The following ZNF438 variants were observed in gnomAD, a reference collection of about 807,000 sequenced individuals.
The protein encoded by ZNF438 is zinc finger protein 438.
A neutral mutation model predicts 38.0 loss-of-function variants in ZNF438; 25 were observed. That is an observed-to-expected ratio of 0.66 (90% CI 0.48 to 0.92). The LOEUF (loss-of-function observed/expected upper bound fraction) is 0.92, where lower values mean the gene tolerates loss of function less well. Ranked by LOEUF, ZNF438 falls within the 40% of genes least tolerant of loss-of-function variation. The pLI is 0.00. For missense variants in ZNF438, 1,007 were observed against 999.6 expected, an observed-to-expected ratio of 1.01 and a Z score of -0.10; for synonymous variants, 372 against 364.1, an observed-to-expected ratio of 1.02 and a Z score of -0.25.
At chr10:30,845,273 T>C (rs778621348) in exon 6 of ZNF438, 1 of 1,613,922 alleles carries the variant, frequency 6.2e-7, no homozygotes, top group African/African-American at 1.3e-5. Context: ...GCCTTTTCAG[T>C]CTTGGACATG....
At chr10:30,893,450 G>T (rs1314426702) in intron 3 of ZNF438, among the ~76,000 whole-genome samples, 1 of 152,168 alleles carries the variant, frequency 6.6e-6, no homozygotes, top group Non-Finnish European at 1.5e-5. Flanking sequence ...ACATTAGTTT[G>T]TATCAACATT....
intron 1 of ZNF438, among the ~76,000 whole-genome samples, chr10:31,011,194 G>C (rs762203121): frequency 2.6e-5 from 4 of 152,166 alleles, no homozygotes; most frequent in Non-Finnish European, 5.9e-5. Flanking sequence ...TCCCAGGGAT[G>C]AGCTGCTGCA....
chr10:30,905,308 C>T (rs2042463948), intron 3 of ZNF438, among the ~76,000 whole-genome samples: 1 of 152,218 alleles, frequency 6.6e-6, no homozygotes, highest in African/African-American at 2.4e-5. Flanking sequence ...AAATTATAGC[C>T]ATCCCACGAG....
intron 1 of ZNF438, among the ~76,000 whole-genome samples, chr10:31,027,861 T>C (rs2057041052): frequency 6.6e-6 from 1 of 152,008 alleles, no homozygotes; most frequent in Admixed American, 6.6e-5. Flanking sequence ...AAAATATAAT[T>C]TTATATATTT....
intron 3 of ZNF438, among the ~76,000 whole-genome samples, chr10:30,890,894 A>T (rs925022888): frequency 6.6e-6 from 1 of 152,182 alleles, no homozygotes; most frequent in Non-Finnish European, 1.5e-5. Flanking sequence ...GAGGATGAAG[A>T]TTTACTTTCT....
At chr10:31,004,830 A>G (rs1314960084) in intron 1 of ZNF438, among the ~76,000 whole-genome samples, 2 of 152,212 alleles carry the variant, frequency 1.3e-5, no homozygotes, top group Non-Finnish European at 2.9e-5. Context: ...AGTCATGATG[A>G]GTCATAAATA....
chr10:30,978,315 T>C (rs1217628478), intron 1 of ZNF438, among the ~76,000 whole-genome samples: 9 of 152,326 alleles, frequency 5.9e-5, no homozygotes. Context: ...GTATATTGTA[T>C]ACACTGATTT....
chr10:30,960,120 A>C (rs2049306241), intron 1 of ZNF438, among the ~76,000 whole-genome samples: 1 of 146,728 alleles, frequency 6.8e-6, no homozygotes, highest in Non-Finnish European at 1.5e-5. Flanking sequence ...GCTCACTGTT[A>C]AGTTGGGTTG....
At chr10:30,890,532 T>C (rs1456518743) in intron 3 of ZNF438, among the ~76,000 whole-genome samples, 1 of 152,244 alleles carries the variant, frequency 6.6e-6, no homozygotes, top group Non-Finnish European at 1.5e-5. Context: ...CCATTGTCTT[T>C]GCTCTATGGG....
At chr10:30,881,548 T>C (rs1481185645) in intron 3 of ZNF438, among the ~76,000 whole-genome samples, 1 of 152,146 alleles carries the variant, frequency 6.6e-6, no homozygotes, top group Non-Finnish European at 1.5e-5. Context: ...GTTGTTAAAA[T>C]GGCAATTCTC....
chr10:30,900,892 T>C (rs1300909672), intron 3 of ZNF438, among the ~76,000 whole-genome samples: 1 of 152,202 alleles, frequency 6.6e-6, no homozygotes, highest in African/African-American at 2.4e-5. Context: ...AGTGAAAAAT[T>C]AGGAACAGTA....
chr10:31,024,531 G>A (rs1252111025), intron 1 of ZNF438, among the ~76,000 whole-genome samples: 2 of 152,172 alleles, frequency 1.3e-5, no homozygotes, highest in East Asian at 1.9e-4. Flanking sequence ...GGGAGGCTGA[G>A]GCAAGAGAAT....
At chr10:30,921,839 T>A (rs2044330104) in intron 2 of ZNF438, among the ~76,000 whole-genome samples, 1 of 152,190 alleles carries the variant, frequency 6.6e-6, no homozygotes, top group Non-Finnish European at 1.5e-5. Context: ...TTCTTCCCAA[T>A]ACCGATCTTT....
At chr10:30,944,412 TAA>T (rs1019831758) in intron 1 of ZNF438, among the ~76,000 whole-genome samples, 26 of 152,118 alleles carry the variant, frequency 1.7e-4, no homozygotes, top group African/African-American at 5.8e-4. Context: ...GAGGTAAGAA[TAA>T]AAAAGTGATA....
intron 3 of ZNF438, among the ~76,000 whole-genome samples, chr10:30,895,695 A>T (rs561502403): frequency 1.3e-5 from 2 of 152,346 alleles, no homozygotes; most frequent in Non-Finnish European, 2.9e-5. Context: ...AGAGCGAAGC[A>T]TTTGTATAGA....
chr10:30,956,163 T>C (rs767034551), intron 1 of ZNF438, among the ~76,000 whole-genome samples: 38 of 152,116 alleles, frequency 2.5e-4, no homozygotes, highest in Non-Finnish European at 5.0e-4. Context: ...GAAGCAAGAG[T>C]GGGATTACAA....
At chr10:31,006,346 T>C (rs2055124031) in intron 1 of ZNF438, among the ~76,000 whole-genome samples, 1 of 152,032 alleles carries the variant, frequency 6.6e-6, no homozygotes, top group South Asian at 2.1e-4. Flanking sequence ...CAATCATGCC[T>C]ACCCAATGAA....
intron 1 of ZNF438, among the ~76,000 whole-genome samples, chr10:31,006,040 G>A (rs1012883007): frequency 1.3e-5 from 2 of 152,048 alleles, no homozygotes; most frequent in East Asian, 1.9e-4. Flanking sequence ...CTTATTCCCT[G>A]GAATCTCTGT....
At chr10:30,920,585 A>C (rs941117904) in intron 2 of ZNF438, 5 of 152,218 alleles carry the variant, frequency 3.3e-5, no homozygotes, top group African/African-American at 1.2e-4. Flanking sequence ...TTTACTTGGC[A>C]GTTTGATCTC....
Sources: allele counts gnomAD v4.1 joint callset (sites outside exome capture counted in the v4.1 genomes callset), GRCh38; gene constraint gnomAD v4.1.1; transcripts MANE v1.5; gene names NCBI Gene and HGNC (gene_info 2026-07-23, HGNC 2026-07-21).